PRPF6: variants seen among roughly 807,000 people sequenced by gnomAD.
The protein encoded by PRPF6 is pre-mRNA-processing factor 6.
In PRPF6, 42 loss-of-function variants were observed where a neutral mutation model predicts 118.3. The ratio of observed to expected loss-of-function variants is 0.35; its 90% CI spans 0.28 to 0.46. The LOEUF (loss-of-function observed/expected upper bound fraction) is 0.46, where lower values mean the gene tolerates loss of function less well. Among genes scored for constraint, PRPF6 ranks in the 20% least tolerant of loss-of-function variants. The pLI is 1.00. For missense variants in PRPF6, 662 were observed against 1,255.7 expected, an observed-to-expected ratio of 0.53 and a Z score of 7.15; for synonymous variants, 481 against 485.1, an observed-to-expected ratio of 0.99 and a Z score of 0.11.
In PRPF6 at chr20:64,026,590, A is replaced by G. The variant is rs1555920735; in HGVS notation, c.2029-392A>G. On this transcript the variant is annotated intron_variant, in intron 15 of 20. Transcript: ENST00000266079. This position sits in a 1 kb window ranked among gnomAD's most constrained non-coding sequence, Gnocchi z 4.4. ...TCCCAGCACTTTGGGAGGCCAAGGC[A>G]GGTAGATTGTGAGATCAGGAGTTCG... Among the ~76,000 whole-genome samples, 2 of 152,102 alleles carry G rather than the reference A, an allele frequency of 1.3e-5. No homozygotes were observed. Among genetic ancestry groups the G allele is most frequent in the Non-Finnish European group, 2.9e-5 (2 of 68,020 alleles).
chr20:63,992,372 C>T (rs540078709), intron 3 of PRPF6, among the ~76,000 whole-genome samples: 1 of 152,284 alleles, frequency 6.6e-6, no homozygotes, highest in Non-Finnish European at 1.5e-5. Flanking sequence ...AGCAATTCTC[C>T]TACCTCAGCC....
chr20:63,983,811 G>T (rs1295389428), intron 2 of PRPF6, among the ~76,000 whole-genome samples: 1 of 151,994 alleles, frequency 6.6e-6, no homozygotes, highest in African/African-American at 2.4e-5. Context: ...GCGCCACCAT[G>T]CCTGGCTAAT....
At chr20:63,998,232 C>T (rs2059149919) in intron 6 of PRPF6, among the ~76,000 whole-genome samples, 2 of 151,580 alleles carry the variant, frequency 1.3e-5, no homozygotes, top group African/African-American at 2.4e-5. Context: ...GTAGCTGGGA[C>T]TACAGGCATG....
At chr20:63,993,260 G>GTGTGTGTA (rs2059126711) in intron 3 of PRPF6, 147 bp from the exon 4 acceptor site, 1 of 386,982 alleles carries the variant, frequency 2.6e-6, no homozygotes, top group African/African-American at 2.4e-5. Flanking sequence ...GTGTGTGTGT[G>GTGTGTGTA]TGTATATGTA....
chr20:64,033,097 A>G lies in PRPF6; in HGVS notation c.*104A>G. The G allele has an allele frequency of 1.3e-6, 2 of 1,523,144 alleles. No homozygotes were observed. The highest frequency in any genetic ancestry group is 1.8e-6 in the Non-Finnish European group (2 of 1,119,562). The allele number at this position is 1,523,144 out of a possible 1,614,324, so 94.4% of individuals were successfully genotyped here. On this transcript the variant is annotated 3_prime_UTR_variant, in exon 21 of 21. Coordinates refer to ENST00000266079, the MANE Select transcript of PRPF6 (RefSeq NM_012469.4). Reference sequence around the variant, plus strand: ...ATTAAAAGTTTTTATGTCTCGTGTCAGAACAGGCAGCCTGCTGGTTTTCTC... The same window carrying G: ...ATTAAAAGTTTTTATGTCTCGTGTCGGAACAGGCAGCCTGCTGGTTTTCTC...
At position 63,982,958 on chromosome 20, in the gene PRPF6, AAG is replaced by A. The variant is rs1447401932; in HGVS notation, c.72-86_72-85del. On this transcript the variant is annotated intron_variant, in intron 1 of 20. Coordinates refer to ENST00000266079, the MANE Select transcript of PRPF6 (RefSeq NM_012469.4). Reference sequence around the variant, plus strand: ...GGAGGTTTCCCAAAGGTGTTAGAAAAAGAGGTGTTAGTAAGTGATAACCAGGA... The same window carrying A: ...GGAGGTTTCCCAAAGGTGTTAGAAAAAGGTGTTAGTAAGTGATAACCAGGA... 28 of 1,471,942 alleles carry A rather than the reference AAG, an allele frequency of 1.9e-5. No homozygotes were observed. The Admixed American group carries it at 5.5e-4, about 29-fold the overall frequency. The allele number at this position is 1,471,942 out of a possible 1,614,324, so 91.2% of individuals were successfully genotyped here.
At chr20:63,982,210 T>C (rs1370649822) in intron 1 of PRPF6, among the ~76,000 whole-genome samples, 3 of 152,152 alleles carry the variant, frequency 2.0e-5, no homozygotes, top group Non-Finnish European at 1.5e-5. Flanking sequence ...TCTTGTTCTG[T>C]CGCCCAAGCT....
intron 19 of PRPF6, among the ~76,000 whole-genome samples, chr20:64,030,889 G>T (rs112182637): frequency 6.6e-6 from 1 of 152,218 alleles, no homozygotes. Flanking sequence ...GGCTCCTCGT[G>T]TTGTCTCTTG....
At position 64,017,530 on chromosome 20, in the gene PRPF6, C is replaced by T. The variant is rs527585674; in HGVS notation, c.1647+685C>T. Among the ~76,000 whole-genome samples, 27 of 150,466 alleles carry T rather than the reference C, an allele frequency of 1.8e-4. No individual in the cohort carries two copies. The East Asian group carries it at 3.0e-3, about 17-fold the overall frequency. On this transcript the variant is annotated intron_variant, in intron 12 of 20. Coordinates refer to ENST00000266079, the MANE Select transcript of PRPF6 (RefSeq NM_012469.4). ...CCTCCCAGAGTGCTGGGATCACAGG[C>T]GTGAGCCGCCGCGCCCGGCCTCCCA...
chr20:63,993,542 CAG>C (rs2059128131), intron 4 of PRPF6, 57 bp downstream of exon 4: 7 of 1,399,936 alleles, frequency 5.0e-6, no homozygotes, highest in Non-Finnish European at 6.1e-6. Context: ...CCCTAACCCG[CAG>C]AGACTCAGAC....
intron 4 of PRPF6, among the ~76,000 whole-genome samples, chr20:63,994,662 T>C (rs1038076042): frequency 1.3e-5 from 2 of 152,138 alleles, no homozygotes; most frequent in Non-Finnish European, 2.9e-5. Flanking sequence ...TCCCAGCAAC[T>C]TGAGAAGCTG....
In PRPF6 at chr20:64,026,889, A is replaced by C; in HGVS notation, c.2029-93A>C. On this transcript the variant is annotated intron_variant, in intron 15 of 20. Transcript: ENST00000266079. This position sits in a 1 kb window ranked among gnomAD's most constrained non-coding sequence, Gnocchi z 4.4. The stretch of plus-strand genomic sequence containing the variant: ...ATGAAAAGCTTACAAAAGTACACAC[A>C]GTACTGCAGGTAACAGTGTTGAGGA... The C allele has an allele frequency of 7.8e-7, 1 of 1,278,312 alleles. No homozygotes were observed. The highest frequency in any genetic ancestry group is 1.1e-6 in the Non-Finnish European group (1 of 877,594). The allele number at this position is 1,278,312 out of a possible 1,614,324, so 79.2% of individuals were successfully genotyped here.
intron 9 of PRPF6, among the ~76,000 whole-genome samples, chr20:64,001,588 C>G (rs1004752319): frequency 2.0e-5 from 3 of 152,192 alleles, no homozygotes; most frequent in African/African-American, 7.2e-5. Context: ...TGGAGATGGT[C>G]TGTGTGAAGA....
rs868541721 is a variant in PRPF6 at position 64,029,849 on chromosome 20, G to C, written c.2546+358G>C. Among the ~76,000 whole-genome samples, 6 of 151,480 alleles carry C rather than the reference G, an allele frequency of 4.0e-5. No individual in the cohort carries two copies. Among genetic ancestry groups the C allele is most frequent in the Admixed American group, 2.6e-4 (4 of 15,200 alleles). ...CACTGGTGCTCTGGTCGCCGGGTCA[G>C]AGACTCACTGGGGACGCATGTGATT... On this transcript the variant is annotated intron_variant, in intron 19 of 20. Coordinates refer to ENST00000266079, the MANE Select transcript of PRPF6 (RefSeq NM_012469.4). The surrounding 1 kb of genome is among the most constrained non-coding windows in gnomAD (Gnocchi z 4.8).
chr20:63,987,798 A>G (rs1471762786), intron 3 of PRPF6, among the ~76,000 whole-genome samples: 1 of 152,166 alleles, frequency 6.6e-6, no homozygotes, highest in African/African-American at 2.4e-5. Flanking sequence ...CTGTAATCCC[A>G]GCACTTTGGG....
At chr20:63,988,158 A>G (rs1363798485) in intron 3 of PRPF6, among the ~76,000 whole-genome samples, 4 of 152,064 alleles carry the variant, frequency 2.6e-5, no homozygotes, top group Non-Finnish European at 5.9e-5. Context: ...TGTCTCTACT[A>G]AAAATACAAA....
intron 3 of PRPF6, among the ~76,000 whole-genome samples, chr20:63,990,005 C>A (rs2059111584): frequency 6.6e-6 from 1 of 151,972 alleles, no homozygotes; most frequent in Non-Finnish European, 1.5e-5. Context: ...AGGCACGCGC[C>A]ACCACACCTG....
chr20:63,984,942 AC>A lies in PRPF6; in HGVS notation c.279del (p.Tyr94ThrfsTer35). 6.2e-7 allele frequency: 1 copy of A among 1,613,842 alleles called. No homozygotes were observed. ...ATGCTGGGAGCCTCTTCTCAAGTGG[AC>A]CCTACGAGAAAGATGATGAGGAAGC... ...GYAGSLFSSG[P>X]YEKDDEEADA... On this transcript the variant is annotated frameshift_variant, in exon 3 of 21. Transcript: ENST00000266079. LOFTEE classifies it high-confidence loss of function.
intron 9 of PRPF6, among the ~76,000 whole-genome samples, chr20:64,003,906 C>T (rs1165539819): frequency 1.3e-5 from 2 of 152,158 alleles, no homozygotes; most frequent in Admixed American, 6.6e-5. Flanking sequence ...CCAGAGACAG[C>T]GTCTTATAAT....
Sources: allele counts gnomAD v4.1 joint callset (sites outside exome capture counted in the v4.1 genomes callset), GRCh38; gene constraint gnomAD v4.1.1; non-coding constraint Gnocchi (gnomAD v3.1); transcripts MANE v1.5; gene names NCBI Gene and HGNC (gene_info 2026-07-23, HGNC 2026-07-21).